RSRC1: variants seen among roughly 807,000 people sequenced by gnomAD.
RSRC1 encodes serine/Arginine-related protein 53.
Under a neutral mutation model 49.1 loss-of-function variants are expected in RSRC1, and 39 were observed. The ratio of observed to expected loss-of-function variants is 0.79; its 90% confidence interval spans 0.61 to 1.04. The LOEUF (loss-of-function observed/expected upper bound fraction) is 1.04. Ranked by LOEUF, RSRC1 falls within the 50% of genes least tolerant of loss-of-function variation. RSRC1 has a pLI of 0.00. For missense variants in RSRC1, 388 were observed against 402.4 expected (o/e 0.96, Z 0.31); for synonymous variants, 143 against 130.8 (o/e 1.09, Z -0.63).
intron 3 of RSRC1, among the ~76,000 whole-genome samples, chr3:158,142,059 C>G (rs997547699): frequency 1.3e-5 from 2 of 152,136 alleles, no homozygotes; most frequent in African/African-American, 2.4e-5. Context: ...GAGTGTGCCA[C>G]TGCACTCCAG....
At chr3:158,191,966 A>G (rs567113246) in intron 3 of RSRC1, among the ~76,000 whole-genome samples, 1 of 152,228 alleles carries the variant, frequency 6.6e-6, no homozygotes, top group South Asian at 2.1e-4. Flanking sequence ...CTAAGAAGTT[A>G]GCAGCTTAGT....
chr3:158,392,272 G>T (rs1377504558), intron 6 of RSRC1, among the ~76,000 whole-genome samples: 2 of 152,008 alleles, frequency 1.3e-5, no homozygotes, highest in Non-Finnish European at 2.9e-5. Flanking sequence ...AATAATTTTG[G>T]TCCAGTTGGA....
chr3:158,435,042 T>G (rs1409026149), intron 6 of RSRC1, among the ~76,000 whole-genome samples: 3 of 151,946 alleles, frequency 2.0e-5, no homozygotes, highest in Non-Finnish European at 4.4e-5. Flanking sequence ...TCTTTTATCA[T>G]AAATCAAAAA....
rs371320282 is a variant in RSRC1 at position 158,544,232 on chromosome 3, T to C, written c.962T>C (p.Ile321Thr). 3.1e-6 allele frequency: 5 copies of C among 1,612,728 alleles called. No homozygotes were observed. Among genetic ancestry groups the C allele is most frequent in the Non-Finnish European group, 4.2e-6 (5 of 1,179,446 alleles). The change falls in exon 10 of 10, where the codon ATT becomes ACT. Residue 321 changes from isoleucine to threonine, a missense_variant. By Grantham distance (89) the Ile-to-Thr change is moderately conservative (BLOSUM62 -1). Coordinates refer to ENST00000611884, the MANE Select transcript of RSRC1 (RefSeq NM_001271838.2). ...GAGGAAAAATGGTTCAAGAGATTAA[T>C]TGCTCTCCGACAAGAAAGACTAATG... is the stretch of plus-strand genomic sequence containing the variant. ...DAEEKWFKRL[I>T]ALRQERLMGS... is the part of the protein sequence containing the mutation.
intron 6 of RSRC1, among the ~76,000 whole-genome samples, chr3:158,367,724 G>A (rs73170346): frequency 0.22 from 33,387 of 151,976 alleles, 4,267 homozygotes; most frequent in Non-Finnish European, 0.29. Context: ...AATGAATAAA[G>A]CCTTAAATAG....
chr3:158,134,714 C>G (rs1716254185), intron 3 of RSRC1, among the ~76,000 whole-genome samples: 1 of 152,058 alleles, frequency 6.6e-6, no homozygotes, highest in Non-Finnish European at 1.5e-5. Flanking sequence ...CTAGGAAGAA[C>G]TTTCTTTTGC....
intron 4 of RSRC1, among the ~76,000 whole-genome samples, chr3:158,219,994 T>C (rs914773675): frequency 6.6e-6 from 1 of 151,584 alleles, no homozygotes; most frequent in African/African-American, 2.4e-5. Context: ...ACTTATACAC[T>C]AAAGTCTTGT....
chr3:158,467,161 T>C (rs1487404283), intron 7 of RSRC1, among the ~76,000 whole-genome samples: 3 of 152,208 alleles, frequency 2.0e-5, no homozygotes, highest in Non-Finnish European at 4.4e-5. Context: ...TTCATCCCTT[T>C]AGTGACTTTT....
At chr3:158,307,988 C>G (rs888603919) in intron 5 of RSRC1, among the ~76,000 whole-genome samples, 1 of 151,798 alleles carries the variant, frequency 6.6e-6, no homozygotes, top group African/African-American at 2.4e-5. Flanking sequence ...GAACCACAGA[C>G]ATTTTTATGT....
chr3:158,451,334 C>T (rs1195002290), intron 6 of RSRC1, among the ~76,000 whole-genome samples: 2 of 151,928 alleles, frequency 1.3e-5, no homozygotes, highest in Admixed American at 1.3e-4. Flanking sequence ...CTGCTTTGTA[C>T]TTGGGAGGAG....
chr3:158,273,592 C>G (rs1045076684), intron 4 of RSRC1, among the ~76,000 whole-genome samples: 1 of 152,068 alleles, frequency 6.6e-6, no homozygotes, highest in African/African-American at 2.4e-5. Flanking sequence ...AATACGAAGT[C>G]TAGCCATTCA....
At chr3:158,488,823 A>G (rs1560062986) in intron 7 of RSRC1, among the ~76,000 whole-genome samples, 1 of 152,206 alleles carries the variant, frequency 6.6e-6, no homozygotes. Flanking sequence ...TCTAATTGCT[A>G]TCAAAGACAT....
At chr3:158,269,588 C>A (rs1725390466) in intron 4 of RSRC1, among the ~76,000 whole-genome samples, 1 of 152,046 alleles carries the variant, frequency 6.6e-6, no homozygotes, top group Admixed American at 6.5e-5. Flanking sequence ...TCTCGGCTTA[C>A]TGCAACCTCT....
At chr3:158,216,783 C>T (rs1016443258) in intron 4 of RSRC1, among the ~76,000 whole-genome samples, 7 of 151,694 alleles carry the variant, frequency 4.6e-5, no homozygotes, top group African/African-American at 1.7e-4. Context: ...ATCCTTCTTA[C>T]TTTCCCTTCT....
chr3:158,441,111 A>G (rs1034596194), intron 6 of RSRC1, among the ~76,000 whole-genome samples: 6 of 152,118 alleles, frequency 3.9e-5, no homozygotes, highest in Non-Finnish European at 8.8e-5. Flanking sequence ...AAAAAGAATA[A>G]TGTATCTGTC....
intron 6 of RSRC1, among the ~76,000 whole-genome samples, chr3:158,360,125 A>T (rs1731386919): frequency 6.6e-6 from 1 of 151,910 alleles, no homozygotes; most frequent in Admixed American, 6.6e-5. Context: ...AGGTTGTCCC[A>T]TCATGTCTGC....
chr3:158,201,075 A>G (rs191175802), intron 3 of RSRC1, among the ~76,000 whole-genome samples: 1 of 152,068 alleles, frequency 6.6e-6, no homozygotes, highest in African/African-American at 2.4e-5. Flanking sequence ...TTTGTCTCAA[A>G]AATGTCCTTA....
At chr3:158,389,727 C>G (rs1186751755) in intron 6 of RSRC1, among the ~76,000 whole-genome samples, 1 of 152,140 alleles carries the variant, frequency 6.6e-6, no homozygotes, top group Admixed American at 6.5e-5. Context: ...AGGTTCCAAG[C>G]TCAAATAATT....
At chr3:158,510,880 G>A (rs1210856276) in intron 7 of RSRC1, among the ~76,000 whole-genome samples, 2 of 151,880 alleles carry the variant, frequency 1.3e-5, no homozygotes, top group Non-Finnish European at 2.9e-5. Context: ...AGTTTTTCAG[G>A]TTTCATTAAA....
Sources: allele counts gnomAD v4.1 joint callset (sites outside exome capture counted in the v4.1 genomes callset), GRCh38; gene constraint gnomAD v4.1.1; transcripts MANE v1.5; gene names NCBI Gene and HGNC (gene_info 2026-07-23, HGNC 2026-07-21).